Variants in ANO5 observed in about 807,000 individuals in gnomAD.
ANO5 encodes the protein anoctamin-5.
ANO5 carries 109 observed loss-of-function variants against 121.0 expected under a neutral mutation model. That is an observed-to-expected ratio of 0.90 (90% CI 0.77 to 1.06). ANO5 has a LOEUF of 1.06. Among genes scored for constraint, ANO5 ranks in the 50% least tolerant of loss-of-function variants. The pLI, the probability that ANO5 is intolerant of heterozygous loss-of-function variation, is 0.00. For synonymous variants in ANO5, 406 were observed against 359.9 expected (o/e 1.13, Z -1.45); for missense variants, 1,064 against 1,078.5 (o/e 0.99, Z 0.19).
In ANO5 at chr11:22,279,541, T is replaced by C. The variant is rs1347927854; in HGVS notation, c.2521-3T>C. ...TCTAATCTTTCCTTTATATTTCCTC[T>C]AGCATGTTGTGTTTTTAGTTAAATT... On this transcript the variant is annotated splice_region_variant and splice_polypyrimidine_tract_variant and intron_variant, in intron 21 of 21. Transcript: ENST00000324559. 2 of 1,606,980 alleles carry C rather than the reference T, an allele frequency of 1.2e-6. No individual in the cohort carries two copies. The highest frequency in any genetic ancestry group is 2.2e-5 in the South Asian group (2 of 90,906).
intron 12 of ANO5, among the ~76,000 whole-genome samples, chr11:22,252,895 T>C (rs1447264090): frequency 2.0e-5 from 3 of 152,286 alleles, no homozygotes; most frequent in African/African-American, 7.2e-5. Flanking sequence ...AATTTAAATA[T>C]GCACATACAT....
At position 22,274,163 on chromosome 11, in the gene ANO5, T is replaced by TACACAC. The variant is rs34022294; in HGVS notation, c.2236-381_2236-376dup. ...CTTCATTCCTTTCCTGTTAATCTCTTACACACACACACACACACACACACA... is the reference window on the plus strand; with the variant it reads ...CTTCATTCCTTTCCTGTTAATCTCTTACACACACACACACACACACACACACACACA... On this transcript the variant is annotated intron_variant, in intron 19 of 21. Coordinates refer to ENST00000324559, the MANE Select transcript of ANO5 (RefSeq NM_213599.3). Among the ~76,000 whole-genome samples the TACACAC allele has an allele frequency of 4.2e-3, 610 of 143,842 alleles. 4 individuals carry two copies. The highest frequency in any genetic ancestry group is 0.018 in the East Asian group (89 of 4,916). The allele number at this position is 143,842 out of a possible 152,430, so 94.4% of individuals were successfully genotyped here.
intron 1 of ANO5, among the ~76,000 whole-genome samples, chr11:22,203,176 T>A (rs982618874): frequency 2.0e-5 from 3 of 151,810 alleles, no homozygotes. Context: ...CCAAAAAAAA[T>A]ATATAGGAAG....
intron 12 of ANO5, among the ~76,000 whole-genome samples, chr11:22,251,955 G>A (rs1853831808): frequency 3.5e-5 from 5 of 144,082 alleles, no homozygotes; most frequent in Admixed American, 7.3e-5. Flanking sequence ...GCATGAACCC[G>A]GGAGGCTGAG....
rs1853785974 is a variant in ANO5, at chr11:22,250,748, A to G, written c.1021A>G (p.Ile341Val). Residue 341 changes from isoleucine (I) to valine (V), a missense_variant, in exon 11 of 22, where the codon ATC (isoleucine) becomes GTC (valine). Ile to Val is a conservative substitution (Grantham distance 29). Coordinates refer to ENST00000324559, the MANE Select transcript of ANO5 (RefSeq NM_213599.3). ...TTGCTGTTCCTCTTGCAGCACTGAA[A>G]TCTGTGACCCTGAGATTGGTGGTCA... ...SMEHNTSSTEICDPEIGGQMI... is the reference protein window; with the variant it reads ...SMEHNTSSTEVCDPEIGGQMI... 1 of 1,613,846 alleles carries G rather than the reference A, an allele frequency of 6.2e-7. No individual in the cohort carries two copies. The highest frequency in any genetic ancestry group is 1.1e-5 in the South Asian group (1 of 91,086).
At position 22,227,506 on chromosome 11, in the gene ANO5, C is replaced by A. The variant is rs1852882306; in HGVS notation, c.568C>A (p.Gln190Lys). 3.1e-6 allele frequency: 5 copies of A among 1,613,430 alleles called. No individual in the cohort carries two copies. Among genetic ancestry groups the A allele is most frequent in the Admixed American group, 1.7e-5 (1 of 59,854 alleles). ...TCCCCATCCTGAATATTTTACTGCA[C>A]AATTCAGCAGACATCGGCAGGAGCT... Reference protein sequence around the residue: ...KYPHPEYFTAQFSRHRQELFL... With the variant: ...KYPHPEYFTAKFSRHRQELFL... The change falls in exon 7 of 22, where the codon CAA (glutamine) becomes AAA (lysine). Residue 190 changes from glutamine (Q) to lysine (K), a missense_variant. Physicochemically the swap from Gln to Lys is moderately conservative, Grantham distance 53. Transcript: ENST00000324559.
At chr11:22,220,404 G>GGAAATAAT (rs1390049844) in intron 4 of ANO5, among the ~76,000 whole-genome samples, 1 of 151,878 alleles carries the variant, frequency 6.6e-6, no homozygotes, top group East Asian at 1.9e-4. Flanking sequence ...TTAAAGTGAA[G>GGAAATAAT]GAACTAATGA....
chr11:22,268,784 G>A (rs1331843973), intron 17 of ANO5, among the ~76,000 whole-genome samples: 1 of 152,162 alleles, frequency 6.6e-6, no homozygotes, highest in African/African-American at 2.4e-5. Context: ...GGGAGGCTGA[G>A]GAGGGAGGAT....
At chr11:22,234,099 A>G (rs2133639387) in intron 7 of ANO5, among the ~76,000 whole-genome samples, 1 of 152,230 alleles carries the variant, frequency 6.6e-6, no homozygotes, top group East Asian at 1.9e-4. Context: ...AACTGAGTAC[A>G]ACAATTTTCA....
intron 1 of ANO5, among the ~76,000 whole-genome samples, chr11:22,194,096 A>AGCTGCTGCT (rs568680135): frequency 6.6e-6 from 1 of 152,048 alleles, no homozygotes; most frequent in Non-Finnish European, 1.5e-5. Flanking sequence ...CACTTGGAAA[A>AGCTGCTGCT]GCTGCTGCTG....
chr11:22,243,431 G>T (rs1853501511), intron 9 of ANO5, among the ~76,000 whole-genome samples: 1 of 152,034 alleles, frequency 6.6e-6, no homozygotes, highest in African/African-American at 2.4e-5. Flanking sequence ...TGGTTTCATA[G>T]AACGAGTTAT....
At chr11:22,192,976 G>T (rs1173154513), upstream of ANO5, 1 of 985,102 alleles carries the variant, frequency 1.0e-6, no homozygotes, top group Non-Finnish European at 1.2e-6. Flanking sequence ...GGGAGATGGC[G>T]GTCTCCGAGG....
chr11:22,266,579 A>T (rs1458394559), intron 17 of ANO5, among the ~76,000 whole-genome samples: 2 of 152,092 alleles, frequency 1.3e-5, no homozygotes, highest in Admixed American at 6.6e-5. Flanking sequence ...ATGCTTGTTC[A>T]TGTTGTTTAA....
intron 12 of ANO5, among the ~76,000 whole-genome samples, chr11:22,254,383 G>A (rs544786974): frequency 2.6e-5 from 4 of 152,092 alleles, no homozygotes; most frequent in East Asian, 1.9e-4. Context: ...AAGTATATCC[G>A]AACAGAAAGG....
At position 22,274,561 on chromosome 11, in the gene ANO5, T is replaced by C; in HGVS notation, c.2236-8T>C. Reference sequence around the variant, plus strand: ...GATGATCTTCCTCTTTTTTTTTTTATTCTTCAGGCCTTTATTGTTGCATTT... The same window carrying C: ...GATGATCTTCCTCTTTTTTTTTTTACTCTTCAGGCCTTTATTGTTGCATTT... On this transcript the variant is annotated splice_polypyrimidine_tract_variant and splice_region_variant and intron_variant, in intron 19 of 21. Coordinates refer to ENST00000324559, the MANE Select transcript of ANO5 (RefSeq NM_213599.3). The C allele has an allele frequency of 6.4e-7, 1 of 1,557,212 alleles. No individual in the cohort carries two copies. Among genetic ancestry groups the C allele is most frequent in the Non-Finnish European group, 8.7e-7 (1 of 1,154,634 alleles).
At chr11:22,206,670 A>C (rs187049656) in intron 2 of ANO5, among the ~76,000 whole-genome samples, 7 of 151,748 alleles carry the variant, frequency 4.6e-5, no homozygotes, top group Non-Finnish European at 8.8e-5. Context: ...AAGAATAAAA[A>C]TCATGTGATT....
chr11:22,192,547 A>G (rs966830257), upstream of ANO5, among the ~76,000 whole-genome samples: 2 of 152,178 alleles, frequency 1.3e-5, no homozygotes, highest in Non-Finnish European at 2.9e-5. Flanking sequence ...CCGGCCTTAA[A>G]AGGGAGGGGT....
At position 22,267,521 on chromosome 11, in the gene ANO5, TATAA is replaced by T. The variant is rs199819054; in HGVS notation, c.1899-2789_1899-2786del. ...AAATATCTACAATTATATATATATA[TATAA>T]AATCTATCTACAATTATACCAAGTG... On this transcript the variant is annotated intron_variant, in intron 17 of 21. Transcript: ENST00000324559. 1.9e-3 allele frequency among the ~76,000 whole-genome samples: 289 copies of T among 149,724 alleles called. 7 individuals are homozygous for T. The highest frequency in any genetic ancestry group is 9.5e-3 in the East Asian group (48 of 5,046).
chr11:22,195,518 T>C (rs911209337), intron 1 of ANO5, among the ~76,000 whole-genome samples: 2 of 152,076 alleles, frequency 1.3e-5, no homozygotes, highest in African/African-American at 2.4e-5. Flanking sequence ...AACCTCTGAC[T>C]CCCAGGCTCA....
Sources: allele counts gnomAD v4.1 joint callset (sites outside exome capture counted in the v4.1 genomes callset), GRCh38; gene constraint gnomAD v4.1.1; transcripts MANE v1.5; gene names NCBI Gene and HGNC (gene_info 2026-07-23, HGNC 2026-07-21).